CEP112: variants seen among roughly 807,000 people sequenced by gnomAD.
CEP112 encodes the protein centrosomal protein of 112 kDa.
Under a neutral mutation model 153.0 loss-of-function variants are expected in CEP112, and 127 were observed. The observed-to-expected ratio is 0.83, with a 90% CI of 0.72 to 0.96. The LOEUF (loss-of-function observed/expected upper bound fraction) is 0.96. Among genes scored for constraint, CEP112 ranks in the 40% least tolerant of loss-of-function variants. The pLI is 0.00. For synonymous variants in CEP112, 358 were observed against 374.4 expected, an observed-to-expected ratio of 0.96 and a Z score of 0.51; for missense variants, 1,089 against 1,101.2, an observed-to-expected ratio of 0.99 and a Z score of 0.16.
At chr17:65,836,074 G>C (rs1167937949) in intron 21 of CEP112, among the ~76,000 whole-genome samples, 1 of 152,096 alleles carries the variant, frequency 6.6e-6, no homozygotes, top group Non-Finnish European at 1.5e-5. Flanking sequence ...ATAACTAAAA[G>C]ATGTTTTTTG....
intron 17 of CEP112, among the ~76,000 whole-genome samples, chr17:65,976,741 T>TC (rs2063049694): frequency 6.9e-6 from 1 of 145,070 alleles, no homozygotes; most frequent in Non-Finnish European, 1.5e-5. Flanking sequence ...TTTTCTTTTT[T>TC]TTTTTTTTTT....
chr17:65,894,647 CCA>C (rs2059598553), intron 20 of CEP112, among the ~76,000 whole-genome samples: 2 of 152,038 alleles, frequency 1.3e-5, no homozygotes, highest in Non-Finnish European at 2.9e-5. Flanking sequence ...CCATACCTTA[CCA>C]CTACTAAATG....
chr17:66,036,340 T>C (rs1462787516), intron 12 of CEP112, among the ~76,000 whole-genome samples: 1 of 151,738 alleles, frequency 6.6e-6, no homozygotes, highest in Non-Finnish European at 1.5e-5. Flanking sequence ...AAAAATGTGT[T>C]AAGAGGGTAG....
chr17:66,149,868 G>GTTTTGTTT (rs1568549079), intron 4 of CEP112, among the ~76,000 whole-genome samples: 15 of 79,540 alleles, frequency 1.9e-4, no homozygotes, highest in East Asian at 4.5e-4. Context: ...TAAATTTAGG[G>GTTTTGTTT]TTTTTTTTTT....
intron 16 of CEP112, among the ~76,000 whole-genome samples, chr17:66,014,225 C>T: frequency 6.6e-6 from 1 of 152,084 alleles, no homozygotes; most frequent in African/African-American, 2.4e-5. Context: ...TGGGCCAGTG[C>T]ATGTCAGTGG....
chr17:66,088,647 G>A (rs552125832), intron 8 of CEP112, among the ~76,000 whole-genome samples: 2 of 152,250 alleles, frequency 1.3e-5, no homozygotes, highest in South Asian at 2.1e-4. Flanking sequence ...CTCCAGGTCG[G>A]CCACTGGGGC....
intron 17 of CEP112, among the ~76,000 whole-genome samples, chr17:65,971,925 T>G (rs961441801): frequency 1.3e-5 from 2 of 152,122 alleles, no homozygotes; most frequent in African/African-American, 4.8e-5. Context: ...CAGGGGTGAA[T>G]AAACACATGC....
At chr17:66,112,065 C>T (rs2069076334) in intron 6 of CEP112, among the ~76,000 whole-genome samples, 1 of 151,736 alleles carries the variant, frequency 6.6e-6, no homozygotes, top group African/African-American at 2.4e-5. Flanking sequence ...CTGAGGCGGG[C>T]AGATCACCTG....
At chr17:66,059,817 A>G (rs2066850762) in intron 11 of CEP112, among the ~76,000 whole-genome samples, 1 of 152,252 alleles carries the variant, frequency 6.6e-6, no homozygotes, top group African/African-American at 2.4e-5. Flanking sequence ...AAGGAAAATA[A>G]GTCATTCTAC....
intron 4 of CEP112, among the ~76,000 whole-genome samples, chr17:66,168,494 T>C (rs1472904735): frequency 6.6e-6 from 1 of 151,448 alleles, no homozygotes; most frequent in Non-Finnish European, 1.5e-5. Flanking sequence ...TGTGTGTGTG[T>C]ATATATATGT....
intron 16 of CEP112, among the ~76,000 whole-genome samples, chr17:66,014,508 C>T (rs2064685971): frequency 6.6e-6 from 1 of 152,146 alleles, no homozygotes; most frequent in African/African-American, 2.4e-5. Context: ...GGCCATGCCC[C>T]CCTGCAAACA....
At chr17:65,938,280 C>G (rs867189563) in intron 18 of CEP112, among the ~76,000 whole-genome samples, 1 of 142,124 alleles carries the variant, frequency 7.0e-6, no homozygotes, top group Non-Finnish European at 1.5e-5. Context: ...ACAAACACTG[C>G]GAAAGCCCGC....
intron 18 of CEP112, among the ~76,000 whole-genome samples, chr17:65,933,349 G>A (rs1456434362): frequency 6.6e-6 from 1 of 152,052 alleles, no homozygotes; most frequent in Non-Finnish European, 1.5e-5. Flanking sequence ...GGTTACAATC[G>A]AATTCAACCC....
chr17:65,983,336 C>T (rs996022771), intron 17 of CEP112, among the ~76,000 whole-genome samples: 10 of 152,194 alleles, frequency 6.6e-5, no homozygotes, highest in African/African-American at 2.4e-4. Context: ...CCAAAGACCG[C>T]ACGCCCGCCA....
At chr17:65,681,557 AT>A (rs2047527558) in intron 24 of CEP112, among the ~76,000 whole-genome samples, 1 of 150,848 alleles carries the variant, frequency 6.6e-6, no homozygotes, top group Non-Finnish European at 1.5e-5. Context: ...ATCTAAAAAA[AT>A]GATAGTGTCA....
chr17:65,998,880 G>A (rs1014853957), intron 17 of CEP112, among the ~76,000 whole-genome samples: 3 of 152,188 alleles, frequency 2.0e-5, no homozygotes, highest in African/African-American at 4.8e-5. Flanking sequence ...GATGACAACC[G>A]GGTCCAGAGT....
At chr17:65,784,323 T>C (rs1027338397) in intron 21 of CEP112, among the ~76,000 whole-genome samples, 4 of 152,182 alleles carry the variant, frequency 2.6e-5, no homozygotes, top group African/African-American at 7.2e-5. Context: ...GTCAGACTGT[T>C]AGAAAAGACA....
At chr17:65,829,520 C>G (rs537548694) in intron 21 of CEP112, among the ~76,000 whole-genome samples, 15 of 152,224 alleles carry the variant, frequency 9.9e-5, no homozygotes, top group African/African-American at 3.4e-4. Flanking sequence ...GAGGCTCTGT[C>G]CCTTTATCCC....
intron 21 of CEP112, among the ~76,000 whole-genome samples, chr17:65,751,592 ATG>A (rs1434899257): frequency 1.1e-4 from 16 of 152,004 alleles, no homozygotes; most frequent in African/African-American, 3.6e-4. Context: ...CTCCCTGAGT[ATG>A]TCTCTCCCTG....
Sources: gnomAD v4.1 joint callset for allele counts (sites outside exome capture counted in the v4.1 genomes callset) on GRCh38, gnomAD v4.1.1 for gene constraint, MANE v1.5 for transcripts, NCBI Gene and HGNC (gene_info 2026-07-23, HGNC 2026-07-21) for gene names.